The following TRPM6 variants were observed in gnomAD, a reference collection of about 807,000 sequenced individuals.
TRPM6 encodes transient receptor potential cation channel subfamily M member 6, also known as channel kinase 2.
A neutral mutation model predicts 247.6 loss-of-function variants in TRPM6; 111 were observed. The ratio of observed to expected loss-of-function variants is 0.45; its 90% CI spans 0.38 to 0.52. The LOEUF is 0.52. Among genes scored for constraint, TRPM6 ranks in the 20% least tolerant of loss-of-function variants. The probability of loss-of-function intolerance (pLI) is 0.00; values close to 1 mark genes in which losing one functional copy is unlikely to be tolerated. For synonymous variants in TRPM6, 892 were observed against 853.8 expected (o/e 1.04, Z -0.78); for missense variants, 2,126 against 2,421.5 (o/e 0.88, Z 2.56).
intron 3 of TRPM6, among the ~76,000 whole-genome samples, chr9:74,844,188 C>T (rs1830034731): frequency 6.6e-6 from 1 of 152,140 alleles, no homozygotes; most frequent in South Asian, 2.1e-4. Context: ...ACAAAGTCAC[C>T]AGCACAGATA....
At chr9:74,781,536 CAAAAAAAAAA>C (rs35938872) in intron 23 of TRPM6, among the ~76,000 whole-genome samples, 4 of 93,556 alleles carry the variant, frequency 4.3e-5, no homozygotes, top group Non-Finnish European at 8.0e-5. Flanking sequence ...GACTCTATCT[CAAAAAAAAAA>C]AAAAAAAGAA....
At chr9:74,840,974 G>A (rs1198992319) in intron 4 of TRPM6, among the ~76,000 whole-genome samples, 1 of 151,962 alleles carries the variant, frequency 6.6e-6, no homozygotes, top group Non-Finnish European at 1.5e-5. Flanking sequence ...AAATGCTATG[G>A]CTTTCTGTTT....
intron 23 of TRPM6, among the ~76,000 whole-genome samples, chr9:74,778,442 C>G (rs1827301775): frequency 6.6e-6 from 1 of 152,220 alleles, no homozygotes. Flanking sequence ...AAAAAGCCAT[C>G]CCAGTGCCAT....
intron 23 of TRPM6, among the ~76,000 whole-genome samples, chr9:74,778,730 C>G (rs995468986): frequency 6.6e-5 from 10 of 152,286 alleles, no homozygotes; most frequent in Middle Eastern, 3.4e-3. Flanking sequence ...TCAAAATTGA[C>G]CCACACCCCT....
At chr9:74,750,507 A>G (rs2118784662) in intron 30 of TRPM6, among the ~76,000 whole-genome samples, 157 bp downstream of exon 30, 1 of 152,350 alleles carries the variant, frequency 6.6e-6, no homozygotes. Context: ...AAACTTGGAG[A>G]AGAAATCATT....
chr9:74,753,830 T>A (rs539990713), intron 28 of TRPM6, among the ~76,000 whole-genome samples: 4 of 152,238 alleles, frequency 2.6e-5, no homozygotes, highest in African/African-American at 9.6e-5. Flanking sequence ...CAACTCTGGA[T>A]GTGGTTCAAG....
intron 19 of TRPM6, among the ~76,000 whole-genome samples, chr9:74,791,913 C>A (rs1211587581): frequency 6.6e-6 from 1 of 152,142 alleles, no homozygotes; most frequent in African/African-American, 2.4e-5. Context: ...CCCGCCATCA[C>A]GCCCGGCTAC....
chr9:74,790,006 A>ATGTGTGTGTG (rs71912381), intron 19 of TRPM6, among the ~76,000 whole-genome samples: 2,319 of 132,736 alleles, frequency 0.017, 30 homozygotes, highest in Admixed American at 0.057. Context: ...TGAGAGAAAA[A>ATGTGTGTGTG]TGTGTGTGTG....
chr9:74,872,697 T>C (rs1695474421), intron 1 of TRPM6, among the ~76,000 whole-genome samples: 1 of 151,944 alleles, frequency 6.6e-6, no homozygotes, highest in African/African-American at 2.4e-5. Flanking sequence ...TTCAAACTCC[T>C]GACCTCAAGT....
chr9:74,862,096 G>GGA (rs1554731469), intron 1 of TRPM6, among the ~76,000 whole-genome samples: 2 of 100,544 alleles, frequency 2.0e-5, no homozygotes, highest in East Asian at 3.1e-4. Context: ...AAAACTACCA[G>GGA]AAAAAAAAAA....
At chr9:74,860,091 T>C (rs780448883) in intron 1 of TRPM6, among the ~76,000 whole-genome samples, 14 of 152,212 alleles carry the variant, frequency 9.2e-5, no homozygotes, top group Non-Finnish European at 8.8e-5. Context: ...AGTCCAGACT[T>C]TTTTAAGTAA....
intron 25 of TRPM6, among the ~76,000 whole-genome samples, chr9:74,769,918 A>C (rs1826973232): frequency 6.6e-6 from 1 of 152,182 alleles, no homozygotes; most frequent in Admixed American, 6.5e-5. Flanking sequence ...TCTATGCTTC[A>C]TACAAAACGG....
chr9:74,812,149 C>A (rs1266230331), intron 12 of TRPM6, 150 bp downstream of exon 12: 1 of 975,470 alleles, frequency 1.0e-6, no homozygotes, highest in Non-Finnish European at 1.6e-6. Flanking sequence ...GGGAAAGAAG[C>A]CTGGAACTAG....
intron 31 of TRPM6, among the ~76,000 whole-genome samples, chr9:74,746,713 A>G (rs536084529): frequency 1.8e-4 from 27 of 152,304 alleles, no homozygotes; most frequent in African/African-American, 6.0e-4. Context: ...CAAACCAATC[A>G]GACTAAGACA....
intron 38 of TRPM6, among the ~76,000 whole-genome samples, chr9:74,725,730 C>T (rs1021325245): frequency 3.3e-5 from 5 of 152,204 alleles, no homozygotes; most frequent in Non-Finnish European, 5.9e-5. Context: ...GATTGTGAGG[C>T]CTCCCCAGCC....
rs1825217563 is a variant in TRPM6 at position 74,723,812 on chromosome 9, A to C, written c.*801T>G. 6.9e-6 allele frequency: 1 copy of C among 145,902 alleles called. No individual in the cohort carries two copies. The highest frequency in any genetic ancestry group is 2.5e-5 in the African/African-American group (1 of 40,140). 9.0% of individuals were successfully genotyped at this position (145,902 alleles called of 1,614,324 possible). A position where few individuals can be genotyped will look rare whatever the true frequency, so the allele number is the denominator to read the frequency against. On this transcript the variant is annotated 3_prime_UTR_variant, in exon 39 of 39. Transcript: ENST00000360774. Reference sequence around the variant, plus strand: ...AACTCCATCTCAAAAATAAAAATATATATATATATATATAAAATATATATA... The same window carrying C: ...AACTCCATCTCAAAAATAAAAATATCTATATATATATATAAAATATATATA...
intron 31 of TRPM6, among the ~76,000 whole-genome samples, chr9:74,746,008 C>T (rs1826032123): frequency 6.6e-6 from 1 of 152,144 alleles, no homozygotes; most frequent in East Asian, 1.9e-4. Context: ...TTTGGGAGGC[C>T]GAGGCGAGCA....
At chr9:74,867,168 G>GGA (rs1475040686) in intron 1 of TRPM6, among the ~76,000 whole-genome samples, 1 of 152,194 alleles carries the variant, frequency 6.6e-6, no homozygotes, top group Non-Finnish European at 1.5e-5. Context: ...AGTTGAAAAG[G>GGA]GAGAGTATTT....
chr9:74,812,552 C>A, intron 11 of TRPM6, 119 bp from the exon 12 acceptor site: 1 of 998,790 alleles, frequency 1.0e-6, no homozygotes, highest in Non-Finnish European at 1.5e-6. Flanking sequence ...AAAATCCTGC[C>A]ATCAGTGGGT....
Sources: allele counts gnomAD v4.1 joint callset (sites outside exome capture counted in the v4.1 genomes callset), GRCh38; gene constraint gnomAD v4.1.1; transcripts MANE v1.5; gene names NCBI Gene and HGNC (gene_info 2026-07-23, HGNC 2026-07-21).